Variants in PITHD1 observed in about 807,000 individuals in gnomAD.
PITHD1 encodes the protein PITH domain containing 1, also known as PITH domain-containing protein 1.
PITHD1 carries 8 observed loss-of-function variants against 27.5 expected under a neutral mutation model. That is an observed-to-expected ratio of 0.29 (90% CI 0.17 to 0.52). The LOEUF (loss-of-function observed/expected upper bound fraction) is 0.52, where lower values mean the gene tolerates loss of function less well. Among genes scored for constraint, PITHD1 ranks in the 20% least tolerant of loss-of-function variants. The pLI is 0.96. For synonymous variants in PITHD1, 118 were observed against 106.8 expected, an observed-to-expected ratio of 1.10 and a Z score of -0.64; for missense variants, 233 against 283.9, an observed-to-expected ratio of 0.82 and a Z score of 1.29.
chr1:23,786,639 A>AATATAT (rs10636542), intron 5 of PITHD1, among the ~76,000 whole-genome samples: 9 of 146,624 alleles, frequency 6.1e-5, no homozygotes, highest in African/African-American at 2.2e-4. Context: ...TAATATATAT[A>AATATAT]ATATATATAT....
At chr1:23,783,236 A>T (rs1330766221) in intron 3 of PITHD1, among the ~76,000 whole-genome samples, 1 of 150,406 alleles carries the variant, frequency 6.6e-6, no homozygotes, top group African/African-American at 2.4e-5. Flanking sequence ...TGACCTTGTG[A>T]TCCACCCACC....
At chr1:23,780,057 A>C in intron 3 of PITHD1, 116 bp downstream of exon 3, 1 of 706,062 alleles carries the variant, frequency 1.4e-6, no homozygotes, top group Non-Finnish European at 2.5e-6. Context: ...CCCCTTTTAA[A>C]ATATCTTGGT....
chr1:23,782,650 G>T (rs1638619611), intron 3 of PITHD1, among the ~76,000 whole-genome samples: 3 of 152,130 alleles, frequency 2.0e-5, no homozygotes, highest in Admixed American at 2.0e-4. Context: ...CACCTAGGCT[G>T]GAGTGCAGTA....
rs755873786 is a variant in PITHD1, at chr1:23,785,744, C to T, written c.390C>T (p.Asn130=). The T allele has an allele frequency of 8.7e-6, 14 of 1,607,908 alleles. No individual in the cohort carries two copies. Among genetic ancestry groups the T allele is most frequent in the East Asian group, 4.5e-5 (2 of 44,842 alleles). Residue 130 remains asparagine (N), a synonymous_variant, in exon 4 of 6, where the codon AAC becomes AAT. Transcript: ENST00000246151. The part of the protein sequence containing the change: ...EREPDQTFSL[N]RDLTGELEYA... Reference sequence around the variant, plus strand: ...AGCCAGATCAGACCTTTAGTCTGAACCGGGATCTTACAGGAGAATTAGAGT... The same window carrying T: ...AGCCAGATCAGACCTTTAGTCTGAATCGGGATCTTACAGGAGAATTAGAGT...
rs539919994 is a variant in PITHD1, at chr1:23,780,518, CAT to C, written c.320+581_320+582del. On this transcript the variant is annotated intron_variant, in intron 3 of 5. Transcript: ENST00000246151. ...AACTGCTTTCTGAGTGCTGGAGAAACATATAAGAAGAACTTTACATTTAAAAA... is the reference window on the plus strand; with the variant it reads ...AACTGCTTTCTGAGTGCTGGAGAAACATAAGAAGAACTTTACATTTAAAAA... Among the ~76,000 whole-genome samples the C allele has an allele frequency of 4.6e-5, 7 of 152,256 alleles. No individual in the cohort carries two copies. In the South Asian group the frequency reaches 1.4e-3, roughly 32 times the overall value.
chr1:23,787,154 A>G (rs575629896), intron 5 of PITHD1, 121 bp from the exon 6 acceptor site: 2 of 585,628 alleles, frequency 3.4e-6, no homozygotes, highest in Middle Eastern at 2.7e-4. Flanking sequence ...GTATTAAAAT[A>G]AGGAGATATT....
rs141889340 is a variant in PITHD1 at position 23,780,593 on chromosome 1, A to T, written c.320+652A>T. Among the ~76,000 whole-genome samples, 551 of 152,274 alleles carry T rather than the reference A, an allele frequency of 3.6e-3. 2 individuals are homozygous for T. The highest frequency in any genetic ancestry group is 0.013 in the African/African-American group (527 of 41,546). ...TATCTCACAAAACCAATAAAAGATGATATATAGGCTGGGCACAGTGGCTTA... is the reference window on the plus strand; with the variant it reads ...TATCTCACAAAACCAATAAAAGATGTTATATAGGCTGGGCACAGTGGCTTA... On this transcript the variant is annotated intron_variant, in intron 3 of 5. Transcript: ENST00000246151.
In PITHD1 at chr1:23,785,606, T is replaced by C. The variant is rs959747307; in HGVS notation, c.321-69T>C. 12 of 874,754 alleles carry C rather than the reference T, an allele frequency of 1.4e-5. No individual in the cohort carries two copies. In the African/African-American group the frequency reaches 2.0e-4, roughly 15 times the overall value. 54.2% of individuals were successfully genotyped at this position (874,754 alleles called of 1,614,324 possible). A position where few individuals can be genotyped will look rare whatever the true frequency, so the allele number is the denominator to read the frequency against. On this transcript the variant is annotated intron_variant, in intron 3 of 5. Coordinates refer to ENST00000246151, the MANE Select transcript of PITHD1 (RefSeq NM_020362.5). Reference sequence around the variant, plus strand: ...GAACCAAAGCCATTTAAGCAGTCAGTAGAAAATTTTGAAAACCTGAAACGT... The same window carrying C: ...GAACCAAAGCCATTTAAGCAGTCAGCAGAAAATTTTGAAAACCTGAAACGT...
intron 1 of PITHD1, 109 bp downstream of exon 1, chr1:23,778,822 G>A (rs1332304580): frequency 4.8e-6 from 3 of 620,558 alleles, no homozygotes; most frequent in East Asian, 3.4e-5. Flanking sequence ...GTTGCCAAGC[G>A]CTTTTCCGTG....
In PITHD1 at chr1:23,779,501, C is replaced by T. The variant is rs1256279499; in HGVS notation, c.242+20C>T. 8 of 1,588,082 alleles carry T rather than the reference C, an allele frequency of 5.0e-6. No individual in the cohort carries two copies. The highest frequency in any genetic ancestry group is 2.2e-5 in the East Asian group (1 of 44,762). On this transcript the variant is annotated intron_variant, in intron 2 of 5. Coordinates refer to ENST00000246151, the MANE Select transcript of PITHD1 (RefSeq NM_020362.5). ...TATTCCGTAAGTATCTCCTTGGTGCCTACCTCAGGCTAAATAGGCTGTACC... is the reference window on the plus strand; with the variant it reads ...TATTCCGTAAGTATCTCCTTGGTGCTTACCTCAGGCTAAATAGGCTGTACC...
intron 1 of PITHD1, 96 bp downstream of exon 1, chr1:23,778,809 C>T: frequency 1.3e-6 from 1 of 751,642 alleles, no homozygotes. Flanking sequence ...TAACGACAGC[C>T]TGGTTGCCAA....
At chr1:23,779,786 AG>A in intron 2 of PITHD1, 77 bp from the exon 3 acceptor site, 1 of 1,015,954 alleles carries the variant, frequency 9.8e-7, no homozygotes, top group Non-Finnish European at 1.6e-6. Flanking sequence ...ATACAGGGGA[AG>A]GGTCTTGCCC....
chr1:23,787,418 A>G lies in PITHD1; in HGVS notation c.*42A>G. ...CCATAGAGGCGCTGTGTCAGTGAAG[A>G]TGTACGACTACCTGTTGGGAAGGAC... On this transcript the variant is annotated 3_prime_UTR_variant, in exon 6 of 6. Coordinates refer to ENST00000246151, the MANE Select transcript of PITHD1 (RefSeq NM_020362.5). The G allele has an allele frequency of 9.1e-7, 1 of 1,095,340 alleles. No individual in the cohort carries two copies. Among genetic ancestry groups the G allele is most frequent in the Non-Finnish European group, 1.4e-6 (1 of 712,124 alleles). The allele number at this position is 1,095,340 out of a possible 1,614,324, so 67.9% of individuals were successfully genotyped here.
Position 23,787,193 on chromosome 1 carries a change from A to G in PITHD1, c.535-82A>G, listed in dbSNP as rs112311267. ...TGATGACTCCTAGAAATGAACCTGA[A>G]TAAGGACTACCGCAATGTGTGTGGT... On this transcript the variant is annotated intron_variant, in intron 5 of 5. Coordinates refer to ENST00000246151, the MANE Select transcript of PITHD1 (RefSeq NM_020362.5). 204 of 825,772 alleles carry G rather than the reference A, an allele frequency of 2.5e-4. 1 individual carries two copies. The highest frequency in any genetic ancestry group is 9.2e-4 in the Middle Eastern group (4 of 4,368). The allele number at this position is 825,772 out of a possible 1,614,324, so 51.2% of individuals were successfully genotyped here. A position where few individuals can be genotyped will look rare whatever the true frequency, so the allele number is the denominator to read the frequency against.
intron 3 of PITHD1, 32 bp from the exon 4 acceptor site, chr1:23,785,643 T>C (rs1638671481): frequency 1.4e-5 from 20 of 1,399,970 alleles, no homozygotes; most frequent in Non-Finnish European, 1.9e-5. Context: ...ATAATGCACA[T>C]TTCTTGACTT....
At chr1:23,787,253 C>T (rs751570709) in intron 5 of PITHD1, 22 bp from the exon 6 acceptor site, 4 of 1,574,472 alleles carry the variant, frequency 2.5e-6, no homozygotes, top group African/African-American at 1.3e-5. Context: ...GGCTGGCTGA[C>T]CCAGCCTCAA....
At chr1:23,783,098 G>A (rs1313604304) in intron 3 of PITHD1, among the ~76,000 whole-genome samples, 7 of 151,652 alleles carry the variant, frequency 4.6e-5, no homozygotes, top group Admixed American at 1.3e-4. Context: ...CTGGGTTCAC[G>A]CCATTCTCCC....
At position 23,786,295 on chromosome 1, in the gene PITHD1, C is replaced by A; in HGVS notation, c.426-20C>A. The A allele has an allele frequency of 9.1e-7, 1 of 1,098,388 alleles. No homozygotes were observed. The highest frequency in any genetic ancestry group is 1.4e-6 in the Non-Finnish European group (1 of 719,884). 68.0% of individuals were successfully genotyped at this position (1,098,388 alleles called of 1,614,324 possible). ...GAACTATAATTCATACCTTCTTTCC[C>A]TATTCCTGTCATCCTCTAGAATTTC... is the stretch of plus-strand genomic sequence containing the variant. On this transcript the variant is annotated intron_variant, in intron 4 of 5. Transcript: ENST00000246151.
At chr1:23,786,209 T>C in intron 4 of PITHD1, 106 bp from the exon 5 acceptor site, 1 of 562,956 alleles carries the variant, frequency 1.8e-6, no homozygotes, top group Non-Finnish European at 3.3e-6. Context: ...AGCTCTGACT[T>C]TGCCTGGCTT....
Sources: allele counts gnomAD v4.1 joint callset (sites outside exome capture counted in the v4.1 genomes callset), GRCh38; gene constraint gnomAD v4.1.1; transcripts MANE v1.5; gene names NCBI Gene and HGNC (gene_info 2026-07-23, HGNC 2026-07-21).